Variants in CCNYL1 observed in about 807,000 individuals in gnomAD.
The protein encoded by CCNYL1 is cyclin-Y-like protein 1.
Under a neutral mutation model 44.2 loss-of-function variants are expected in CCNYL1, and 16 were observed. That is an observed-to-expected ratio of 0.36 (90% CI 0.25 to 0.55). The LOEUF is 0.55. CCNYL1 is among the 20% of genes least tolerant of loss of function. The probability of loss-of-function intolerance (pLI) is 0.85; values close to 1 mark genes in which losing one functional copy is unlikely to be tolerated. For synonymous variants in CCNYL1, 159 were observed against 163.2 expected (o/e 0.97, Z 0.20); for missense variants, 348 against 451.8 (o/e 0.77, Z 2.08).
At chr2:207,735,221 T>C (rs997477709) in intron 4 of CCNYL1, among the ~76,000 whole-genome samples, 7 of 152,250 alleles carry the variant, frequency 4.6e-5, no homozygotes, top group African/African-American at 1.7e-4. Flanking sequence ...GATCATTTGG[T>C]ATATTTCACT....
chr2:207,716,231 A>G (rs1231425381), intron 1 of CCNYL1, among the ~76,000 whole-genome samples: 2 of 151,932 alleles, frequency 1.3e-5, no homozygotes, highest in East Asian at 1.9e-4. Flanking sequence ...GACTCTTTCT[A>G]TTCTTTTCCA....
Position 207,717,058 on chromosome 2 carries a change from G to A in CCNYL1, c.220+4942G>A, listed in dbSNP as rs867125179. On this transcript the variant is annotated intron_variant, in intron 1 of 9. Coordinates refer to ENST00000295414, the MANE Select transcript of CCNYL1 (RefSeq NM_001330218.2). The stretch of plus-strand genomic sequence containing the variant: ...CAGGAGGCAGAGATTGCAGTGAGCC[G>A]AGATCACGCCACTGCACTCCAGCCT... 3.0e-4 allele frequency among the ~76,000 whole-genome samples: 45 copies of A among 148,646 alleles called. 1 individual carries two copies. Among genetic ancestry groups the A allele is most frequent in the African/African-American group, 9.0e-4 (36 of 40,020 alleles).
At chr2:207,726,782 A>C (rs2091682755) in intron 2 of CCNYL1, 60 bp from the exon 3 acceptor site, 1 of 1,129,918 alleles carries the variant, frequency 8.9e-7, no homozygotes, top group Non-Finnish European at 1.3e-6. Flanking sequence ...ATGATTAGCA[A>C]CTACTTTTAT....
At chr2:207,725,209 C>A (rs1006204087) in intron 2 of CCNYL1, among the ~76,000 whole-genome samples, 16 of 151,300 alleles carry the variant, frequency 1.1e-4, no homozygotes, top group African/African-American at 3.9e-4. Flanking sequence ...TCACTGCAGC[C>A]TCCATCTCCC....
At chr2:207,737,937 T>TTA (rs546963820) in intron 5 of CCNYL1, among the ~76,000 whole-genome samples, 187 of 152,180 alleles carry the variant, frequency 1.2e-3, no homozygotes, top group Non-Finnish European at 2.1e-3. Context: ...TGTCATGTAT[T>TTA]TATATATATA....
rs1170876488 is a variant in CCNYL1, at chr2:207,728,357, C to G, written c.330+1481C>G. Among the ~76,000 whole-genome samples the G allele has an allele frequency of 2.0e-5, 3 of 151,338 alleles. No homozygotes were observed. The East Asian group carries it at 5.8e-4, about 29-fold the overall frequency. ...GTGGTGTGGTCTTGGCTTACTGCAT[C>G]CTTAACCTACTGGGCTCAAGTGATC... On this transcript the variant is annotated intron_variant, in intron 3 of 9. Coordinates refer to ENST00000295414, the MANE Select transcript of CCNYL1 (RefSeq NM_001330218.2).
chr2:207,750,783 G>A, intron 8 of CCNYL1, 174 bp from the exon 9 acceptor site: 1 of 551,280 alleles, frequency 1.8e-6, no homozygotes, highest in South Asian at 3.1e-5. Context: ...GGATGCAGAA[G>A]GGACCACAAG....
chr2:207,737,346 A>T, intron 4 of CCNYL1, 65 bp from the exon 5 acceptor site: 1 of 1,280,676 alleles, frequency 7.8e-7, no homozygotes, highest in Non-Finnish European at 1.1e-6. Context: ...TCATTTAAAA[A>T]ATGTCTTCAG....
intron 7 of CCNYL1, among the ~76,000 whole-genome samples, chr2:207,742,707 G>A (rs1330518304): frequency 6.6e-6 from 1 of 152,160 alleles, no homozygotes; most frequent in Non-Finnish European, 1.5e-5. Context: ...ACTGATTCCA[G>A]TGTAGGTCTA....
At chr2:207,732,314 A>T (rs2091734605) in intron 3 of CCNYL1, among the ~76,000 whole-genome samples, 1 of 152,242 alleles carries the variant, frequency 6.6e-6, no homozygotes, top group Admixed American at 6.5e-5. Context: ...TTGGTCCTTC[A>T]AATAGTAATA....
At chr2:207,737,181 C>G (rs547942142) in intron 4 of CCNYL1, among the ~76,000 whole-genome samples, 2 of 152,150 alleles carry the variant, frequency 1.3e-5, no homozygotes, top group Non-Finnish European at 2.9e-5. Context: ...TCCCAAAGTG[C>G]TGGGATTACA....
Position 207,742,327 on chromosome 2 carries a change from T to G in CCNYL1, c.624T>G (p.Cys208Trp). The G allele has an allele frequency of 6.2e-7, 1 of 1,611,232 alleles. No individual in the cohort carries two copies. Among genetic ancestry groups the G allele is most frequent in the Non-Finnish European group, 8.5e-7 (1 of 1,179,152 alleles). ...GTGCTGCACAGCTAACAGCTGAATGTGCAATAGTAACTTTGGTAAGATATT... is the reference window on the plus strand; with the variant it reads ...GTGCTGCACAGCTAACAGCTGAATGGGCAATAGTAACTTTGGTAAGATATT... ...LFSAAQLTAE[C>W]AIVTLVYLER... is the part of the protein sequence containing the mutation. Residue 208 changes from cysteine to tryptophan, a missense_variant, in exon 7 of 10, where the codon TGT becomes TGG. Around this residue, in one of 3 missense-constraint regions of CCNYL1, gnomAD observed 45 missense variants for 101.7 expected, o/e 0.44. Transcript: ENST00000295414.
chr2:207,740,625 A>G, intron 5 of CCNYL1, 30 bp from the exon 6 acceptor site: 1 of 1,443,230 alleles, frequency 6.9e-7, no homozygotes, highest in Non-Finnish European at 9.7e-7. Context: ...TCCTGAATTA[A>G]CTTCTTCAAT....
At chr2:207,746,084 C>G (rs944123728) in intron 7 of CCNYL1, among the ~76,000 whole-genome samples, 1 of 152,156 alleles carries the variant, frequency 6.6e-6, no homozygotes, top group Non-Finnish European at 1.5e-5. Flanking sequence ...TAAAATAATT[C>G]ATGAAATTGT....
chr2:207,724,651 A>G (rs772627737), intron 1 of CCNYL1, 149 bp from the exon 2 acceptor site: 42 of 627,764 alleles, frequency 6.7e-5, no homozygotes, highest in Non-Finnish European at 9.5e-5. Flanking sequence ...CCCCAGGAGT[A>G]TTTTTGTATT....
At chr2:207,736,829 T>A (rs2091768326) in intron 4 of CCNYL1, among the ~76,000 whole-genome samples, 1 of 152,088 alleles carries the variant, frequency 6.6e-6, no homozygotes, top group Non-Finnish European at 1.5e-5. Flanking sequence ...TGAAAGGTTC[T>A]ATGGGCAGAA....
intron 5 of CCNYL1, among the ~76,000 whole-genome samples, chr2:207,739,119 T>C (rs1372549030): frequency 6.6e-6 from 1 of 152,254 alleles, no homozygotes; most frequent in African/African-American, 2.4e-5. Context: ...TAAACTCACA[T>C]AATAAGGTAC....
chr2:207,738,588 G>C (rs1375071997), intron 5 of CCNYL1, among the ~76,000 whole-genome samples: 1 of 152,090 alleles, frequency 6.6e-6, no homozygotes. Flanking sequence ...GTGGAATTTT[G>C]TGTTATCAAT....
chr2:207,738,463 C>T (rs2091782214), intron 5 of CCNYL1, among the ~76,000 whole-genome samples: 2 of 152,112 alleles, frequency 1.3e-5, no homozygotes, highest in African/African-American at 4.8e-5. Flanking sequence ...TCAGGTGATC[C>T]ACCCGCCTCA....
Sources: gnomAD v4.1 joint callset for allele counts (sites outside exome capture counted in the v4.1 genomes callset) on GRCh38, gnomAD v4.1.1 for gene constraint, gnomAD v4.1.1 regional missense constraint, MANE v1.5 for transcripts, NCBI Gene and HGNC (gene_info 2026-07-23, HGNC 2026-07-21) for gene names.